TMC1: variants seen among roughly 807,000 people sequenced by gnomAD.
The protein encoded by TMC1 is transmembrane channel-like protein 1.
A neutral mutation model predicts 105.8 loss-of-function variants in TMC1; 84 were observed. The ratio of observed to expected loss-of-function variants is 0.79; its 90% CI spans 0.67 to 0.95. The LOEUF (loss-of-function observed/expected upper bound fraction) is 0.95, where lower values mean the gene tolerates loss of function less well. TMC1 is among the 40% of genes least tolerant of loss of function. The pLI is 0.00. For synonymous variants in TMC1, 315 were observed against 311.5 expected (o/e 1.01, Z -0.12); for missense variants, 817 against 914.1 (o/e 0.89, Z 1.37).
intron 17 of TMC1, among the ~76,000 whole-genome samples, chr9:72,802,114 T>C (rs1251556746): frequency 1.3e-5 from 2 of 151,996 alleles, no homozygotes; most frequent in African/African-American, 4.8e-5. Context: ...CTGGAAAGGG[T>C]GGGCATGGAG....
intron 3 of TMC1, among the ~76,000 whole-genome samples, chr9:72,620,420 A>ATT (rs112407267): frequency 2.0e-5 from 3 of 151,366 alleles, no homozygotes; most frequent in Non-Finnish European, 2.9e-5. Flanking sequence ...TTAAAAAAAG[A>ATT]ATTTTTTTTT....
chr9:72,765,349 G>A (rs1169103532), intron 12 of TMC1, among the ~76,000 whole-genome samples: 1 of 152,036 alleles, frequency 6.6e-6, no homozygotes, highest in African/African-American at 2.4e-5. Context: ...GCCTCTGAAG[G>A]AAATGCTGAG....
At chr9:72,720,487 C>G (rs1349617063) in intron 8 of TMC1, among the ~76,000 whole-genome samples, 1 of 152,210 alleles carries the variant, frequency 6.6e-6, no homozygotes, top group Admixed American at 6.5e-5. Context: ...TGCCCTGTCT[C>G]TCTCATCCTG....
In TMC1 at chr9:72,717,880, A is replaced by T. The variant is rs982125182; in HGVS notation, c.362+17237A>T. 3.3e-5 allele frequency among the ~76,000 whole-genome samples: 5 copies of T among 152,102 alleles called. No individual in the cohort carries two copies. In the East Asian group the frequency reaches 9.6e-4, roughly 29 times the overall value. ...GGAAGTTTTCCTCTATTATTCCCCC[A>T]AATATGTTTTCCAAACTTAGATTTC... On this transcript the variant is annotated intron_variant, in intron 8 of 23. Transcript: ENST00000297784.
intron 12 of TMC1, among the ~76,000 whole-genome samples, chr9:72,761,600 A>T (rs1267096124): frequency 6.6e-6 from 1 of 152,216 alleles, no homozygotes; most frequent in African/African-American, 2.4e-5. Context: ...TATCCTCATA[A>T]CAACTGTTTA....
chr9:72,730,586 T>C (rs1444825), intron 8 of TMC1, among the ~76,000 whole-genome samples: 34,874 of 152,150 alleles, frequency 0.23, 4,319 homozygotes, highest in East Asian at 0.39. Flanking sequence ...ACCTTTCTGA[T>C]ACCAGGGACC....
rs532515127 is a variant in TMC1, at chr9:72,789,374, G to A, written c.1224+57G>A. 124 of 1,563,240 alleles carry A rather than the reference G, an allele frequency of 7.9e-5. No individual in the cohort carries two copies. The African/African-American group carries it at 1.2e-3, about 15-fold the overall frequency. On this transcript the variant is annotated intron_variant, in intron 15 of 23. Coordinates refer to ENST00000297784, the MANE Select transcript of TMC1 (RefSeq NM_138691.3). ...AACCTGACATTTGTTTCTTTTGTGG[G>A]TTATGTTTCTTTGATGGAACATTTA...
At chr9:72,573,311 T>G (rs1326454907) in intron 1 of TMC1, among the ~76,000 whole-genome samples, 5 of 152,184 alleles carry the variant, frequency 3.3e-5, no homozygotes, top group African/African-American at 1.2e-4. Context: ...AAATGAAGGC[T>G]AATTCAGAAT....
intron 18 of TMC1, among the ~76,000 whole-genome samples, chr9:72,806,398 G>C (rs1246944857): frequency 2.1e-5 from 3 of 142,506 alleles, no homozygotes; most frequent in Non-Finnish European, 3.1e-5. Flanking sequence ...CGGGCGGGGG[G>C]CTGACGCCCC....
chr9:72,779,797 C>G (rs1828062846), intron 13 of TMC1, among the ~76,000 whole-genome samples: 1 of 152,074 alleles, frequency 6.6e-6, no homozygotes, highest in Admixed American at 6.6e-5. Flanking sequence ...ACTGACATCC[C>G]TGAAAGAGAG....
At chr9:72,658,389 G>T (rs1825916269) in intron 5 of TMC1, among the ~76,000 whole-genome samples, 1 of 150,902 alleles carries the variant, frequency 6.6e-6, no homozygotes, top group African/African-American at 2.4e-5. Flanking sequence ...ATCTCTTTCA[G>T]TCTATCTTAC....
intron 8 of TMC1, among the ~76,000 whole-genome samples, chr9:72,727,035 C>A (rs1204125486): frequency 1.3e-5 from 2 of 152,172 alleles, no homozygotes; most frequent in Non-Finnish European, 2.9e-5. Context: ...ACGTAGATGG[C>A]CTTGCAAAGA....
chr9:72,835,934 T>TTTTGTTTTTTGAACAGC lies in TMC1; in HGVS notation c.2261-16_2261-15insTTGTTTTTTGAACAGCT. 1 of 1,565,864 alleles carries TTTTGTTTTTTGAACAGC rather than the reference T, an allele frequency of 6.4e-7. No individual in the cohort carries two copies. The highest frequency in any genetic ancestry group is 1.8e-5 in the Admixed American group (1 of 55,492). ...CTCCTTGTTTTTTTTTTTTTTTTTTTTCTGTTTTGTGAACAGCTGCAGCTG... is the reference window on the plus strand; with the variant it reads ...CTCCTTGTTTTTTTTTTTTTTTTTTTTTTGTTTTTTGAACAGCTCTGTTTTGTGAACAGCTGCAGCTG... On this transcript the variant is annotated splice_polypyrimidine_tract_variant and intron_variant, in intron 23 of 23. Transcript: ENST00000297784.
chr9:72,722,481 T>C (rs1827043969), intron 8 of TMC1, among the ~76,000 whole-genome samples: 1 of 152,198 alleles, frequency 6.6e-6, no homozygotes, highest in East Asian at 1.9e-4. Context: ...AAAATTCAAA[T>C]GAATTCTCTT....
Position 72,527,571 on chromosome 9 carries a change from C to G in TMC1, c.-428+5658C>G, listed in dbSNP as rs12004828. On this transcript the variant is annotated intron_variant, in intron 1 of 23. Transcript: ENST00000297784. ...CCCCAGACCCCAGTGACTCACGCTC[C>G]TCCTGCTCCTCCTGTTGCTGGCCTC... 7.7e-3 allele frequency among the ~76,000 whole-genome samples: 1,172 copies of G among 152,276 alleles called. 21 individuals are homozygous for G. The highest frequency in any genetic ancestry group is 0.027 in the African/African-American group (1,122 of 41,554).
intron 5 of TMC1, among the ~76,000 whole-genome samples, chr9:72,673,949 A>G (rs1238736230): frequency 2.0e-5 from 3 of 152,302 alleles, no homozygotes; most frequent in Middle Eastern, 3.4e-3. Flanking sequence ...CCAAAACCAG[A>G]AAAAGACATT....
At chr9:72,648,516 C>G (rs530500898) in intron 4 of TMC1, 81 bp from the exon 5 acceptor site, 1 of 792,546 alleles carries the variant, frequency 1.3e-6, no homozygotes, top group Non-Finnish European at 2.2e-6. Flanking sequence ...GAAATGGCAC[C>G]AGGGGAGCAC....
At chr9:72,730,086 A>C (rs1394711831) in intron 8 of TMC1, among the ~76,000 whole-genome samples, 1 of 152,204 alleles carries the variant, frequency 6.6e-6, no homozygotes, top group Non-Finnish European at 1.5e-5. Flanking sequence ...GATTACAAAG[A>C]CTACAATTTT....
At chr9:72,741,679 T>C (rs1173340487) in intron 9 of TMC1, 2 of 153,720 alleles carry the variant, frequency 1.3e-5, no homozygotes, top group African/African-American at 4.8e-5. Flanking sequence ...TCTTTTGAAC[T>C]TCAGACTTGT....
Sources: gnomAD v4.1 joint callset for allele counts (sites outside exome capture counted in the v4.1 genomes callset) on GRCh38, gnomAD v4.1.1 for gene constraint, MANE v1.5 for transcripts, NCBI Gene and HGNC (gene_info 2026-07-23, HGNC 2026-07-21) for gene names.